Variants in KCNQ5 observed in about 807,000 individuals in gnomAD.
The protein encoded by KCNQ5 is potassium voltage-gated channel subfamily KQT member 5.
Under a neutral mutation model 98.2 loss-of-function variants are expected in KCNQ5, and 30 were observed. The ratio of observed to expected loss-of-function variants is 0.31; its 90% CI spans 0.23 to 0.41. The LOEUF (loss-of-function observed/expected upper bound fraction) is 0.41. Among genes scored for constraint, KCNQ5 ranks in the 10% least tolerant of loss-of-function variants. The pLI, the probability that KCNQ5 is intolerant of heterozygous loss-of-function variation, is 1.00. For missense variants in KCNQ5, 835 were observed against 1,182.5 expected, an observed-to-expected ratio of 0.71 and a Z score of 4.31; for synonymous variants, 458 against 449.4, an observed-to-expected ratio of 1.02 and a Z score of -0.24.
chr6:72,786,239 G>T (rs1582286844), intron 1 of KCNQ5, among the ~76,000 whole-genome samples: 1 of 152,144 alleles, frequency 6.6e-6, no homozygotes, highest in Non-Finnish European at 1.5e-5. Context: ...ACATGGGTGA[G>T]TGGCTGCTAT....
Position 73,077,349 on chromosome 6 carries a change from C to T in KCNQ5, c.644C>T (p.Ala215Val). Residue 215 changes from alanine (A) to valine (V), a missense_variant, in exon 4 of 14, where the codon GCA becomes GTA. Transcript: ENST00000370398. ...IDTIVLIASI[A>V]VVSAKTQGNI... ...ACCATTGTTCTTATCGCTTCAATAGCAGTTGTTTCTGCAAAAACTCAGGGT... is the reference window on the plus strand; with the variant it reads ...ACCATTGTTCTTATCGCTTCAATAGTAGTTGTTTCTGCAAAAACTCAGGGT... 6.2e-7 allele frequency: 1 copy of T among 1,614,068 alleles called. No individual in the cohort carries two copies. The highest frequency in any genetic ancestry group is 8.5e-7 in the Non-Finnish European group (1 of 1,179,966).
chr6:73,047,339 TTACTTACCTG>T (rs1272309363), intron 3 of KCNQ5, among the ~76,000 whole-genome samples: 2 of 152,218 alleles, frequency 1.3e-5, no homozygotes, highest in Non-Finnish European at 2.9e-5. Flanking sequence ...TAAAATAGAC[TTACTTACCTG>T]TATCAAACTT....
intron 1 of KCNQ5, among the ~76,000 whole-genome samples, chr6:72,977,025 A>G (rs1214783238): frequency 6.6e-6 from 1 of 152,236 alleles, no homozygotes; most frequent in Non-Finnish European, 1.5e-5. Flanking sequence ...TATATAATAA[A>G]CCAATATAAT....
intron 10 of KCNQ5, among the ~76,000 whole-genome samples, chr6:73,155,738 A>AT (rs1053592756): frequency 1.3e-5 from 2 of 151,740 alleles, no homozygotes; most frequent in Non-Finnish European, 2.9e-5. Context: ...CCACAGGTGA[A>AT]TTTTTTTTCT....
intron 1 of KCNQ5, among the ~76,000 whole-genome samples, chr6:72,793,874 G>A (rs1010750575): frequency 1.3e-5 from 2 of 152,216 alleles, no homozygotes. Flanking sequence ...GAAATGCCAT[G>A]TGTGCTTTGA....
chr6:72,999,340 A>G (rs1302307858), intron 1 of KCNQ5, among the ~76,000 whole-genome samples: 2 of 152,228 alleles, frequency 1.3e-5, no homozygotes, highest in African/African-American at 4.8e-5. Context: ...CTCTTACAAT[A>G]ATCAGTGCCT....
chr6:72,792,156 A>G (rs9350471), intron 1 of KCNQ5, among the ~76,000 whole-genome samples: 90,827 of 151,966 alleles, frequency 0.6, 27,158 homozygotes, highest in Admixed American at 0.65. Context: ...AATTATGGAG[A>G]AAGTCATTGT....
intron 5 of KCNQ5, among the ~76,000 whole-genome samples, chr6:73,080,507 A>G (rs540185885): frequency 1.3e-5 from 2 of 152,304 alleles, no homozygotes; most frequent in Admixed American, 1.3e-4. Context: ...TTTAAGAAGA[A>G]CATATACTAG....
intron 1 of KCNQ5, among the ~76,000 whole-genome samples, chr6:72,936,985 G>A (rs575514420): frequency 2.0e-5 from 3 of 152,202 alleles, no homozygotes; most frequent in South Asian, 2.1e-4. Context: ...ATAGAACTGC[G>A]GCTGTAACTG....
chr6:73,188,679 T>C (rs1027761487), intron 11 of KCNQ5, among the ~76,000 whole-genome samples: 1 of 152,174 alleles, frequency 6.6e-6, no homozygotes, highest in Non-Finnish European at 1.5e-5. Context: ...TATTAAGCAC[T>C]GACTGTTGAA....
intron 2 of KCNQ5, among the ~76,000 whole-genome samples, chr6:73,018,561 CT>C (rs2150336967): frequency 6.6e-6 from 1 of 152,052 alleles, no homozygotes; most frequent in Non-Finnish European, 1.5e-5. Context: ...CAAATATTCA[CT>C]AAGGACCTAC....
At chr6:72,920,135 C>A (rs904003665) in intron 1 of KCNQ5, among the ~76,000 whole-genome samples, 6 of 152,112 alleles carry the variant, frequency 3.9e-5, no homozygotes, top group African/African-American at 1.2e-4. Context: ...AACCCCATCT[C>A]TACTAAAAAT....
intron 11 of KCNQ5, among the ~76,000 whole-genome samples, chr6:73,175,883 A>G (rs950360298): frequency 6.6e-6 from 1 of 152,184 alleles, no homozygotes; most frequent in Non-Finnish European, 1.5e-5. Context: ...GGAAGACTCT[A>G]AAAGAAAGAA....
chr6:72,794,648 CT>C (rs1561988237), intron 1 of KCNQ5, among the ~76,000 whole-genome samples: 1 of 152,094 alleles, frequency 6.6e-6, no homozygotes, highest in Admixed American at 6.6e-5. Context: ...AGATTGCTTT[CT>C]TTTAAAAATG....
At chr6:73,044,185 C>G (rs1771849898) in intron 3 of KCNQ5, among the ~76,000 whole-genome samples, 1 of 152,080 alleles carries the variant, frequency 6.6e-6, no homozygotes. Flanking sequence ...AAGGCTGAGA[C>G]TGGAGGATCA....
At chr6:72,936,433 A>G (rs932680598) in intron 1 of KCNQ5, among the ~76,000 whole-genome samples, 1 of 152,212 alleles carries the variant, frequency 6.6e-6, no homozygotes, top group African/African-American at 2.4e-5. Flanking sequence ...TTCATAGCAA[A>G]CACTCAGTAA....
chr6:73,037,986 G>T (rs1771515578), intron 2 of KCNQ5, among the ~76,000 whole-genome samples: 1 of 152,036 alleles, frequency 6.6e-6, no homozygotes, highest in Admixed American at 6.6e-5. Flanking sequence ...TCTTTGCTAT[G>T]ATCAGTCTTC....
intron 1 of KCNQ5, among the ~76,000 whole-genome samples, chr6:72,720,017 G>A (rs915663043): frequency 6.6e-6 from 1 of 152,174 alleles, no homozygotes; most frequent in Admixed American, 6.5e-5. Context: ...AAACATTTGA[G>A]TCAATGTTAG....
intron 1 of KCNQ5, among the ~76,000 whole-genome samples, chr6:72,777,928 A>T (rs1210963988): frequency 6.6e-6 from 1 of 152,236 alleles, no homozygotes; most frequent in Non-Finnish European, 1.5e-5. Flanking sequence ...CCGTTAAAAA[A>T]GCTAAACTTC....
Sources: allele counts gnomAD v4.1 joint callset (sites outside exome capture counted in the v4.1 genomes callset), GRCh38; gene constraint gnomAD v4.1.1; transcripts MANE v1.5; gene names NCBI Gene and HGNC (gene_info 2026-07-23, HGNC 2026-07-21).